Variants in FRMD3 observed in about 807,000 individuals in gnomAD.
FRMD3 encodes FERM domain-containing protein 3.
FRMD3 carries 33 observed loss-of-function variants against 70.2 expected under a neutral mutation model. The observed-to-expected ratio is 0.47, with a 90% CI of 0.36 to 0.63. The LOEUF is 0.63. FRMD3 is among the 20% of genes least tolerant of loss of function. The pLI, the probability that FRMD3 is intolerant of heterozygous loss-of-function variation, is 0.00. For missense variants in FRMD3, 632 were observed against 711.4 expected, an observed-to-expected ratio of 0.89 and a Z score of 1.27; for synonymous variants, 279 against 255.9, an observed-to-expected ratio of 1.09 and a Z score of -0.86.
At chr9:83,359,392 G>A (rs957423536) in intron 3 of FRMD3, among the ~76,000 whole-genome samples, 3 of 152,164 alleles carry the variant, frequency 2.0e-5, no homozygotes, top group Non-Finnish European at 2.9e-5. Context: ...TTTGTCATTT[G>A]AACAAATTGC....
chr9:83,484,546 T>C (rs1398796592), intron 1 of FRMD3, among the ~76,000 whole-genome samples: 1 of 152,148 alleles, frequency 6.6e-6, no homozygotes, highest in Non-Finnish European at 1.5e-5. Flanking sequence ...GCCTCTCAAG[T>C]AGCTGGGATT....
At chr9:83,379,207 G>GTTA in intron 2 of FRMD3, among the ~76,000 whole-genome samples, 1 of 152,062 alleles carries the variant, frequency 6.6e-6, no homozygotes, top group Non-Finnish European at 1.5e-5. Context: ...GAGTTGGCCA[G>GTTA]TGAAGTGGAG....
At chr9:83,440,521 T>C (rs1254630119) in intron 1 of FRMD3, among the ~76,000 whole-genome samples, 1 of 152,186 alleles carries the variant, frequency 6.6e-6, no homozygotes. Context: ...CATCAGCAAT[T>C]GTCACCCCCA....
At chr9:83,291,726 A>G (rs1229677356) in intron 12 of FRMD3, among the ~76,000 whole-genome samples, 1 of 152,142 alleles carries the variant, frequency 6.6e-6, no homozygotes, top group Non-Finnish European at 1.5e-5. Context: ...AGCCAGCCAT[A>G]CTTGTGCATC....
At chr9:83,438,962 G>A (rs1827218917) in intron 1 of FRMD3, among the ~76,000 whole-genome samples, 1 of 152,140 alleles carries the variant, frequency 6.6e-6, no homozygotes, top group Non-Finnish European at 1.5e-5. Context: ...AGGAAGGAAG[G>A]AGAGGCCTGA....
At chr9:83,297,079 A>G (rs528835391) in intron 12 of FRMD3, among the ~76,000 whole-genome samples, 106 of 152,212 alleles carry the variant, frequency 7.0e-4, no homozygotes, top group Non-Finnish European at 1.2e-3. Context: ...AGAAGCATTT[A>G]AAAAAATTCT....
chr9:83,557,285 T>C, the FRMD3 span, among the ~76,000 whole-genome samples: 1 of 152,090 alleles, frequency 6.6e-6, no homozygotes, highest in Non-Finnish European at 1.5e-5. Context: ...TTCTACACAT[T>C]AAATGAAAAA....
At chr9:83,404,585 C>T (rs920663919) in intron 1 of FRMD3, among the ~76,000 whole-genome samples, 2 of 151,686 alleles carry the variant, frequency 1.3e-5, no homozygotes, top group Non-Finnish European at 2.9e-5. Context: ...GGGATGCACT[C>T]GTAAGAAGTT....
At chr9:83,421,183 G>A (rs906397017) in intron 1 of FRMD3, among the ~76,000 whole-genome samples, 3 of 150,744 alleles carry the variant, frequency 2.0e-5, no homozygotes, top group East Asian at 3.9e-4. Flanking sequence ...CTCATGATCC[G>A]CCCGCCTCTG....
the FRMD3 span, among the ~76,000 whole-genome samples, chr9:83,551,202 T>C: frequency 6.6e-6 from 1 of 152,204 alleles, no homozygotes; most frequent in Non-Finnish European, 1.5e-5. Context: ...CTGAATTTTA[T>C]CAAAAGCCTT....
At chr9:83,252,627 T>C (rs1832483360) in intron 13 of FRMD3, among the ~76,000 whole-genome samples, 1 of 152,006 alleles carries the variant, frequency 6.6e-6, no homozygotes, top group Non-Finnish European at 1.5e-5. Context: ...GAGACCCATC[T>C]CACGTGCAAA....
At chr9:83,286,001 C>G (rs1834193470) in intron 13 of FRMD3, among the ~76,000 whole-genome samples, 1 of 152,160 alleles carries the variant, frequency 6.6e-6, no homozygotes, top group Admixed American at 6.5e-5. Context: ...TGTTTTTTCT[C>G]CACCCTGACA....
the FRMD3 span, among the ~76,000 whole-genome samples, chr9:83,579,560 T>C: frequency 6.6e-6 from 1 of 152,088 alleles, no homozygotes; most frequent in Non-Finnish European, 1.5e-5. Context: ...CAAATGGTGC[T>C]GGGAAAACTA....
chr9:83,415,624 T>C (rs991745135), intron 1 of FRMD3, among the ~76,000 whole-genome samples: 4 of 149,342 alleles, frequency 2.7e-5, no homozygotes, highest in Non-Finnish European at 5.9e-5. Flanking sequence ...CTTTTTTTTT[T>C]TTTTTTTTTG....
intron 13 of FRMD3, among the ~76,000 whole-genome samples, chr9:83,280,353 T>C (rs1033896995): frequency 6.6e-5 from 10 of 152,212 alleles, no homozygotes; most frequent in African/African-American, 2.4e-4. Context: ...CCTGTGTATA[T>C]TGGAGACTTA....
In FRMD3 at chr9:83,357,276, TATATATATATATATATATATAA is replaced by T. The variant is rs1564032865; in HGVS notation, c.296-7541_296-7520del. 8.2e-3 allele frequency among the ~76,000 whole-genome samples: 485 copies of T among 59,228 alleles called. 28 individuals carry two copies. Among genetic ancestry groups the T allele is most frequent in the African/African-American group, 0.012 (155 of 13,064 alleles). 38.9% of individuals were successfully genotyped at this position (59,228 alleles called of 152,430 possible). On this transcript the variant is annotated intron_variant, in intron 3 of 13. Coordinates refer to ENST00000304195, the MANE Select transcript of FRMD3 (RefSeq NM_174938.6). Reference sequence around the variant, plus strand: ...ATATATATATATATATATATATATATATATATATATATATATATATAAAACATTTTCTTTATCCACTCATTGA... The same window carrying T: ...ATATATATATATATATATATATATATAACATTTTCTTTATCCACTCATTGA...
At chr9:83,548,370 T>C in the FRMD3 span, among the ~76,000 whole-genome samples, 1 of 152,148 alleles carries the variant, frequency 6.6e-6, no homozygotes, top group African/African-American at 2.4e-5. Context: ...GGTATCTCCA[T>C]ACAATGGGAT....
chr9:83,272,997 CGGGA>C (rs1833652296), intron 13 of FRMD3, among the ~76,000 whole-genome samples: 1 of 138,034 alleles, frequency 7.2e-6, no homozygotes, highest in African/African-American at 2.7e-5. Context: ...CCGCCCCGTC[CGGGA>C]GGGAGGTGGG....
intron 1 of FRMD3, among the ~76,000 whole-genome samples, chr9:83,496,664 T>C (rs539319055): frequency 1.3e-5 from 2 of 152,050 alleles, no homozygotes; most frequent in African/African-American, 2.4e-5. Flanking sequence ...AAATGATAGC[T>C]GATGAGAGAG....
Sources: allele counts gnomAD v4.1 joint callset (sites outside exome capture counted in the v4.1 genomes callset), GRCh38; gene constraint gnomAD v4.1.1; transcripts MANE v1.5; gene names NCBI Gene and HGNC (gene_info 2026-07-23, HGNC 2026-07-21).